RGS3: variants seen among roughly 807,000 people sequenced by gnomAD.
The protein encoded by RGS3 is regulator of G protein signaling 3, also known as regulator of G-protein signalling 3.
Under a neutral mutation model 132.6 loss-of-function variants are expected in RGS3, and 80 were observed. The ratio of observed to expected loss-of-function variants is 0.60; its 90% CI spans 0.50 to 0.73. The LOEUF (loss-of-function observed/expected upper bound fraction) is 0.73. Among genes scored for constraint, RGS3 ranks in the 30% least tolerant of loss-of-function variants. The pLI is 0.00. For synonymous variants in RGS3, 598 were observed against 620.6 expected, an observed-to-expected ratio of 0.96 and a Z score of 0.54; for missense variants, 1,382 against 1,530.8, an observed-to-expected ratio of 0.90 and a Z score of 1.62.
chr9:113,537,997 A>G lies in RGS3; in HGVS notation c.2037+1079A>G, dbSNP rs2118620947. 6.6e-6 allele frequency among the ~76,000 whole-genome samples: 1 copy of G among 152,372 alleles called. No homozygotes were observed. Among genetic ancestry groups the G allele is most frequent in the East Asian group, 1.9e-4 (1 of 5,190 alleles). On this transcript the variant is annotated intron_variant, in intron 19 of 24. Coordinates refer to ENST00000350696, the Ensembl canonical transcript of RGS3. This position sits in a 1 kb window ranked among gnomAD's most constrained non-coding sequence, Gnocchi z 4.3. ...AAGAATAACTTGGATGAGGGAAGAC[A>G]GTAGGAAAAGCACGGACTTCTGAGC... is the stretch of plus-strand genomic sequence containing the variant.
At chr9:113,595,618 A>G (rs1381906736) in exon 24 of RGS3, 1 of 1,614,156 alleles carries the variant, frequency 6.2e-7, no homozygotes, top group Non-Finnish European at 8.5e-7. Context: ...CAGTGTTCCA[A>G]GCCTTCCTTC....
intron 3 of RGS3, among the ~76,000 whole-genome samples, chr9:113,464,935 G>A (rs1300875151): frequency 6.6e-6 from 1 of 152,156 alleles, no homozygotes; most frequent in African/African-American, 2.4e-5. Context: ...AGGGGTAGAG[G>A]GAATGATGGA....
chr9:113,488,115 A>T (rs193164997), intron 7 of RGS3, among the ~76,000 whole-genome samples: 81 of 152,124 alleles, frequency 5.3e-4, no homozygotes, highest in Non-Finnish European at 9.0e-4. Context: ...GGGGCTAGGG[A>T]GGGGAAAACA....
rs962896370 is a variant in RGS3 at position 113,529,322 on chromosome 9, G to A, written c.1914+58G>A. The A allele has an allele frequency of 8.8e-6, 12 of 1,370,956 alleles. No individual in the cohort carries two copies. The African/African-American group carries it at 1.6e-4, about 18-fold the overall frequency. The allele number at this position is 1,370,956 out of a possible 1,614,324, so 84.9% of individuals were successfully genotyped here. On this transcript the variant is annotated intron_variant, in intron 18 of 24. Transcript: ENST00000350696. ...ATCTTCGACCTGGTGCTTGAGGGGA[G>A]ACACTGGGCTGGGATCTAGACCAGT...
intron 21 of RGS3, 189 bp from the exon 20 acceptor site, chr9:113,594,241 C>G (rs1835617462): frequency 1.2e-6 from 2 of 1,612,480 alleles, no homozygotes; most frequent in Non-Finnish European, 1.7e-6. Context: ...CTCCTACAGA[C>G]CAATCTGCGG....
intron 19 of RGS3, among the ~76,000 whole-genome samples, chr9:113,569,799 G>A (rs949914297): frequency 1.3e-5 from 2 of 152,150 alleles, no homozygotes. Flanking sequence ...ATGGGGTGGG[G>A]AGGGGGGTGC....
intron 1 of RGS3, among the ~76,000 whole-genome samples, chr9:113,461,016 C>T (rs1295703565): frequency 6.6e-6 from 1 of 151,836 alleles, no homozygotes; most frequent in Non-Finnish European, 1.5e-5. Flanking sequence ...GTGATGTGTG[C>T]TTATATATAT....
At chr9:113,461,576 C>T in intron 1 of RGS3, 1 of 927,108 alleles carries the variant, frequency 1.1e-6, no homozygotes, top group Non-Finnish European at 1.6e-6. Context: ...GCTGGCCTTG[C>T]AATCTTCCAA....
intron 19 of RGS3, among the ~76,000 whole-genome samples, chr9:113,562,806 G>A (rs1177415562): frequency 2.0e-5 from 3 of 152,364 alleles, no homozygotes; most frequent in African/African-American, 4.8e-5. Flanking sequence ...TCCCAGCCCT[G>A]CCACTCAGTT....
At chr9:113,581,019 CCA>C in intron 19 of RGS3, 1 of 969,582 alleles carries the variant, frequency 1.0e-6, no homozygotes, top group Non-Finnish European at 1.2e-6. Flanking sequence ...GGTGGCTGGG[CCA>C]GGGGGTGGGT....
At chr9:113,586,431 A>G (rs1400151788) in intron 20 of RGS3, among the ~76,000 whole-genome samples, 5 of 151,892 alleles carry the variant, frequency 3.3e-5, no homozygotes, top group South Asian at 2.1e-4. Context: ...TGGGACACAT[A>G]CTCCTGCCTG....
chr9:113,476,598 C>T (rs557212641), intron 3 of RGS3, among the ~76,000 whole-genome samples: 4 of 152,288 alleles, frequency 2.6e-5, no homozygotes, highest in African/African-American at 9.6e-5. Flanking sequence ...GGGCCTGGAA[C>T]GGGAGCAGTG....
intron 3 of RGS3, among the ~76,000 whole-genome samples, chr9:113,475,544 T>C (rs912126130): frequency 6.6e-6 from 1 of 152,146 alleles, no homozygotes; most frequent in African/African-American, 2.4e-5. Context: ...TAGCTGAGAC[T>C]ACAGGCACGC....
intron 20 of RGS3, among the ~76,000 whole-genome samples, chr9:113,589,507 T>C (rs1456609618): frequency 6.6e-6 from 1 of 152,268 alleles, no homozygotes; most frequent in East Asian, 1.9e-4. Flanking sequence ...AGAGCCCATT[T>C]CCCAGCAGCG....
Position 113,565,226 on chromosome 9 carries a change from G to C in RGS3, c.2038-18224G>C. 7.8e-7 allele frequency: 1 copy of C among 1,279,656 alleles called. No individual in the cohort carries two copies. The highest frequency in any genetic ancestry group is 1.3e-5 in the South Asian group (1 of 79,274). 79.3% of individuals were successfully genotyped at this position (1,279,656 alleles called of 1,614,324 possible). Reference sequence around the variant, plus strand: ...GCGGGGTGGGCAGAAGGACGGGCTGGCCCAGGACCCTCTTCTTTGAGACAT... The same window carrying C: ...GCGGGGTGGGCAGAAGGACGGGCTGCCCCAGGACCCTCTTCTTTGAGACAT... On this transcript the variant is annotated intron_variant, in intron 19 of 24. Coordinates refer to ENST00000350696, the Ensembl canonical transcript of RGS3. The surrounding 1 kb of genome is among the most constrained non-coding windows in gnomAD (Gnocchi z 5.7).
At position 113,497,916 on chromosome 9, in the gene RGS3, C is replaced by G. The variant is rs565381761; in HGVS notation, c.842-109C>G. The stretch of plus-strand genomic sequence containing the variant: ...CCCACATCCTGAGGCCAGGAGTGGC[C>G]CTGGGCAGCCCCATGGGCCTGTTTC... On this transcript the variant is annotated intron_variant, in intron 9 of 24. Transcript: ENST00000350696. 10 of 1,096,882 alleles carry G rather than the reference C, an allele frequency of 9.1e-6. No homozygotes were observed. The East Asian group carries it at 2.2e-4, about 25-fold the overall frequency. The allele number at this position is 1,096,882 out of a possible 1,614,324, so 67.9% of individuals were successfully genotyped here. A position where few individuals can be genotyped will look rare whatever the true frequency, so the allele number is the denominator to read the frequency against.
In RGS3 at chr9:113,567,073, G is replaced by C. The variant is rs561931210; in HGVS notation, c.2038-16377G>C. On this transcript the variant is annotated intron_variant, in intron 19 of 24. Coordinates refer to ENST00000350696, the Ensembl canonical transcript of RGS3. ...TGTGAGGATGAGGCAGTTGAGGCAA[G>C]TGACCACTCCTCGTGAGAAGTCTCC... is the stretch of plus-strand genomic sequence containing the variant. 6.6e-5 allele frequency among the ~76,000 whole-genome samples: 10 copies of C among 152,386 alleles called. No individual in the cohort carries two copies. In the South Asian group the frequency reaches 2.1e-3, roughly 32 times the overall value.
At chr9:113,499,646 T>A (rs72761964) in intron 10 of RGS3, among the ~76,000 whole-genome samples, 1 of 152,194 alleles carries the variant, frequency 6.6e-6, no homozygotes, top group Non-Finnish European at 1.5e-5. Flanking sequence ...GGCTGGGCCC[T>A]GTGCTGGGTG....
chr9:113,517,612 C>A (rs1203128062), exon 16 of RGS3: 1 of 1,613,570 alleles, frequency 6.2e-7, no homozygotes, highest in South Asian at 1.1e-5. Context: ...AAGGGAGGAA[C>A]AAGGCTGCCG....
Sources: allele counts gnomAD v4.1 joint callset (sites outside exome capture counted in the v4.1 genomes callset), GRCh38; gene constraint gnomAD v4.1.1; non-coding constraint Gnocchi (gnomAD v3.1); transcripts MANE v1.5; gene names NCBI Gene and HGNC (gene_info 2026-07-23, HGNC 2026-07-21).